DNAH9: variants seen among roughly 807,000 people sequenced by gnomAD.
DNAH9 encodes the protein DNAH9 variant protein.
In DNAH9, 345 loss-of-function variants were observed where a neutral mutation model predicts 471.6. That is an observed-to-expected ratio of 0.73 (90% CI 0.67 to 0.80). DNAH9 has a LOEUF of 0.80. DNAH9 is among the 30% of genes least tolerant of loss of function. The pLI is 0.00. For synonymous variants in DNAH9, 2,093 were observed against 2,123.6 expected (o/e 0.99, Z 0.40); for missense variants, 5,407 against 5,609.2 (o/e 0.96, Z 1.15).
intron 56 of DNAH9, among the ~76,000 whole-genome samples, chr17:11,885,314 A>G (rs2150999216): frequency 6.6e-6 from 1 of 152,312 alleles, no homozygotes; most frequent in Middle Eastern, 3.4e-3. Context: ...GTGTAACTGG[A>G]ACATAGAGGG....
chr17:11,667,344 A>G lies in DNAH9; in HGVS notation c.2732-1720A>G, dbSNP rs998282054. Among the ~76,000 whole-genome samples, 7 of 152,270 alleles carry G rather than the reference A, an allele frequency of 4.6e-5. No homozygotes were observed. The South Asian group carries it at 1.0e-3, about 23-fold the overall frequency. On this transcript the variant is annotated intron_variant, in intron 15 of 68. Transcript: ENST00000262442. ...CATCTTATAAACTTATAGTAGTATA[A>G]TTACTTTGTTATTGGTAAACTTGTG...
chr17:11,905,912 C>T (rs1973582068), intron 61 of DNAH9, 103 bp downstream of exon 61: 2 of 1,351,042 alleles, frequency 1.5e-6, no homozygotes, highest in Non-Finnish European at 2.0e-6. Context: ...TTCAAATATG[C>T]AACACTGCAA....
rs182914518 is a variant in DNAH9 at position 11,737,650 on chromosome 17, C to T, written c.5815-1230C>T. Among the ~76,000 whole-genome samples, 12 of 152,288 alleles carry T rather than the reference C, an allele frequency of 7.9e-5. No individual in the cohort carries two copies. In the East Asian group the frequency reaches 1.9e-3, roughly 24 times the overall value. On this transcript the variant is annotated intron_variant, in intron 28 of 68. Transcript: ENST00000262442. ...AATAAATGGTTGAATTTCACTTCTG[C>T]CTCTCCTCCCACTGCTAGAGAGTAA... is the stretch of plus-strand genomic sequence containing the variant.
intron 61 of DNAH9, 116 bp downstream of exon 61, chr17:11,905,925 C>A: frequency 7.7e-7 from 1 of 1,292,432 alleles, no homozygotes; most frequent in Non-Finnish European, 1.0e-6. Flanking sequence ...CACTGCAAAT[C>A]ATACAGAAGT....
rs142631716 is a variant in DNAH9, at chr17:11,891,312, G to A, written c.11113-465G>A. On this transcript the variant is annotated intron_variant, in intron 57 of 68. Coordinates refer to ENST00000262442, the MANE Select transcript of DNAH9 (RefSeq NM_001372.4). ...ACAAAAGATAATAGCATGTTTTCTC[G>A]TTACTATTGTCCTTGGCAGGATATT... is the stretch of plus-strand genomic sequence containing the variant. 2.5e-4 allele frequency among the ~76,000 whole-genome samples: 38 copies of A among 152,236 alleles called. No individual in the cohort carries two copies. The East Asian group carries it at 2.7e-3, about 11-fold the overall frequency.
At chr17:11,701,349 C>T (rs1334132404) in intron 24 of DNAH9, 102 bp downstream of exon 24, 4 of 1,316,806 alleles carry the variant, frequency 3.0e-6, no homozygotes, top group East Asian at 2.3e-5. Flanking sequence ...TGGCTGCATG[C>T]TTCACAGCCA....
chr17:11,641,841 G>A (rs1023988197), intron 10 of DNAH9, among the ~76,000 whole-genome samples: 1 of 152,166 alleles, frequency 6.6e-6, no homozygotes, highest in African/African-American at 2.4e-5. Context: ...CACTCATGAG[G>A]AAGGGAGGGG....
chr17:11,681,896 C>T (rs1487791881), intron 19 of DNAH9, among the ~76,000 whole-genome samples: 1 of 152,178 alleles, frequency 6.6e-6, no homozygotes, highest in East Asian at 1.9e-4. Flanking sequence ...TATGTTATGA[C>T]AAAGTTACTT....
Position 11,932,150 on chromosome 17 carries a change from G to C in DNAH9, c.12242G>C (p.Gly4081Ala). ...AATCGCTCATACCCCTTTAACACTG[G>C]AGACCTCACTATCTCTGTGAATGTC... ...GWNRSYPFNT[G>A]DLTISVNVLY... is the part of the protein sequence containing the mutation. The change falls in exon 64 of 69, where the codon GGA (glycine) becomes GCA (alanine). Residue 4081 changes from glycine to alanine, a missense_variant. By Grantham distance (60) the Gly-to-Ala change is moderately conservative. Coordinates refer to ENST00000262442, the MANE Select transcript of DNAH9 (RefSeq NM_001372.4). This position sits in a 1 kb window ranked among gnomAD's most constrained non-coding sequence, Gnocchi z 4.3. 1 of 1,614,086 alleles carries C rather than the reference G, an allele frequency of 6.2e-7. No individual in the cohort carries two copies.
intron 62 of DNAH9, among the ~76,000 whole-genome samples, chr17:11,926,123 A>G (rs1974317141): frequency 6.6e-6 from 1 of 151,634 alleles, no homozygotes; most frequent in Non-Finnish European, 1.5e-5. Flanking sequence ...AATACTACAT[A>G]CAAATTCCTT....
Position 11,950,382 on chromosome 17 carries a change from G to A in DNAH9, c.12843+7897G>A, listed in dbSNP as rs142125725. On this transcript the variant is annotated intron_variant, in intron 67 of 68. Transcript: ENST00000262442. Reference sequence around the variant, plus strand: ...ACTGCCCTAAAATTCCTTTGTATTGGATATATTTTAAACTTTTTTGTTTTC... The same window carrying A: ...ACTGCCCTAAAATTCCTTTGTATTGAATATATTTTAAACTTTTTTGTTTTC... Among the ~76,000 whole-genome samples, 821 of 152,192 alleles carry A rather than the reference G, an allele frequency of 5.4e-3. 5 individuals are homozygous for A. The highest frequency in any genetic ancestry group is 8.0e-3 in the Non-Finnish European group (543 of 68,012).
At chr17:11,709,979 CTTTAAG>C (rs2074802212) in intron 26 of DNAH9, among the ~76,000 whole-genome samples, 3 of 152,226 alleles carry the variant, frequency 2.0e-5, no homozygotes, top group Admixed American at 6.5e-5. Context: ...TATGCTCTCT[CTTTAAG>C]TTTTTCTCTC....
intron 61 of DNAH9, among the ~76,000 whole-genome samples, chr17:11,906,838 G>C (rs561298562): frequency 1.2e-4 from 18 of 151,962 alleles, no homozygotes; most frequent in Admixed American, 1.2e-3. Context: ...AGCACAAAGA[G>C]GGGAAGAACA....
Position 11,937,289 on chromosome 17 carries a change from C to A in DNAH9, c.12490-63C>A. ...CATGGACTCCCTGCAGAGGACAAGC[C>A]GGTGTGGGAGATGGGAGGTACGTCC... On this transcript the variant is annotated intron_variant, in intron 65 of 68. Transcript: ENST00000262442. This position sits in a 1 kb window ranked among gnomAD's most constrained non-coding sequence, Gnocchi z 4.1. 1 of 1,545,632 alleles carries A rather than the reference C, an allele frequency of 6.5e-7. No homozygotes were observed.
intron 19 of DNAH9, among the ~76,000 whole-genome samples, chr17:11,682,093 C>G (rs1014370836): frequency 1.3e-5 from 2 of 152,206 alleles, no homozygotes; most frequent in Middle Eastern, 3.4e-3. Flanking sequence ...GTTTTAAAAT[C>G]TCTCCAGGTG....
intron 10 of DNAH9, among the ~76,000 whole-genome samples, chr17:11,643,333 T>C (rs953587958): frequency 1.3e-5 from 2 of 152,110 alleles, no homozygotes; most frequent in Non-Finnish European, 2.9e-5. Flanking sequence ...GTTTCAGGGG[T>C]AAGAGCTGGG....
intron 26 of DNAH9, among the ~76,000 whole-genome samples, chr17:11,711,290 G>A (rs2074823649): frequency 1.3e-5 from 2 of 152,122 alleles, no homozygotes; most frequent in Non-Finnish European, 2.9e-5. Context: ...AGGAGAGATG[G>A]CTCTCCAAAG....
rs771119934 is a variant in DNAH9 at position 11,793,556 on chromosome 17, G to A, written c.8115G>A (p.Arg2705=). ...TGAAATCCACATGGGATCTTATAAG[G>A]CTCTATCTGCATGAATCAAATCGAG... ...ECVKSTWDLI[R]LYLHESNRVY... is the part of the protein sequence containing the mutation. Residue 2705 remains arginine, a synonymous_variant, in exon 42 of 69, where the codon AGG becomes AGA. Transcript: ENST00000262442. The A allele has an allele frequency of 5.0e-6, 8 of 1,613,862 alleles. No homozygotes were observed. In the African/African-American group the frequency reaches 1.1e-4, roughly 22 times the overall value.
At chr17:11,663,938 T>C (rs1056997561) in intron 14 of DNAH9, among the ~76,000 whole-genome samples, 1 of 152,154 alleles carries the variant, frequency 6.6e-6, no homozygotes, top group African/African-American at 2.4e-5. Context: ...AATTGTAGAG[T>C]TGTGTTACCT....
Sources: gnomAD v4.1 joint callset for allele counts (sites outside exome capture counted in the v4.1 genomes callset) on GRCh38, gnomAD v4.1.1 for gene constraint, Gnocchi (gnomAD v3.1) non-coding constraint, MANE v1.5 for transcripts, NCBI Gene and HGNC (gene_info 2026-07-23, HGNC 2026-07-21) for gene names.